ARL5A: variants seen among roughly 807,000 people sequenced by gnomAD.
The protein encoded by ARL5A is ARF like GTPase 5A, also known as ADP-ribosylation factor-like protein 5A.
Under a neutral mutation model 25.9 loss-of-function variants are expected in ARL5A, and 18 were observed. The ratio of observed to expected loss-of-function variants is 0.69; its 90% confidence interval spans 0.48 to 1.03. The LOEUF (loss-of-function observed/expected upper bound fraction) is 1.03, where lower values mean the gene tolerates loss of function less well. ARL5A is among the 50% of genes least tolerant of loss of function. ARL5A has a pLI of 0.00. For synonymous variants in ARL5A, 61 were observed against 67.5 expected (o/e 0.90, Z 0.47); for missense variants, 170 against 211.9 (o/e 0.80, Z 1.23).
At chr2:151,819,628 G>T (rs1254263835) in intron 1 of ARL5A, among the ~76,000 whole-genome samples, 1 of 151,980 alleles carries the variant, frequency 6.6e-6, no homozygotes, top group Admixed American at 6.6e-5. Context: ...TTTAGTACAG[G>T]TATTTTTTTA....
At chr2:151,819,242 G>C (rs1047698447) in intron 1 of ARL5A, among the ~76,000 whole-genome samples, 1 of 152,150 alleles carries the variant, frequency 6.6e-6, no homozygotes, top group Non-Finnish European at 1.5e-5. Context: ...AGCTAAGGAG[G>C]TTAAACACTT....
chr2:151,807,763 C>T (rs935346643), intron 4 of ARL5A, among the ~76,000 whole-genome samples: 3 of 152,080 alleles, frequency 2.0e-5, no homozygotes, highest in Non-Finnish European at 2.9e-5. Context: ...TCAAGTTTCC[C>T]CAATTAGAAG....
At position 151,803,293 on chromosome 2, in the gene ARL5A, G is replaced by A. The variant is rs772485630; in HGVS notation, c.523C>T (p.Arg175Ter). ...AGTAGAGATCATCTAATCTTAAGTC[G>A]TGACATCATCCATTCAAGTCCTTGG... Reference protein sequence around the residue: ...LCQGLEWMMSRLKIR With the variant: ...LCQGLEWMMS The change falls in exon 6 of 6, where the codon CGA becomes TGA. Residue 175 changes from arginine (R) to a stop codon, truncating the protein, a stop_gained. Transcript: ENST00000295087. LOFTEE classifies it high-confidence loss of function. The A allele has an allele frequency of 9.3e-6, 15 of 1,612,550 alleles. 1 individual carries two copies. Among genetic ancestry groups the A allele is most frequent in the Admixed American group, 3.3e-5 (2 of 59,988 alleles).
intron 1 of ARL5A, among the ~76,000 whole-genome samples, chr2:151,816,638 A>C (rs775052986): frequency 2.0e-5 from 3 of 152,212 alleles, no homozygotes; most frequent in Non-Finnish European, 4.4e-5. Flanking sequence ...TTTAACAATT[A>C]AAATAGCACA....
At chr2:151,815,292 A>C (rs1311941938) in intron 1 of ARL5A, 93 bp from the exon 2 acceptor site, 11 of 1,004,338 alleles carry the variant, frequency 1.1e-5, no homozygotes, top group South Asian at 1.5e-5. Context: ...TCACCCTTCT[A>C]TCTATGGCAT....
Position 151,814,323 on chromosome 2 carries a change from A to G in ARL5A, c.108-7T>C, listed in dbSNP as rs755924371. 8.6e-6 allele frequency: 13 copies of G among 1,519,946 alleles called. No individual in the cohort carries two copies. Among genetic ancestry groups the G allele is most frequent in the Admixed American group, 2.3e-5 (1 of 43,736 alleles). 94.2% of individuals were successfully genotyped at this position (1,519,946 alleles called of 1,614,324 possible). The stretch of plus-strand genomic sequence containing the variant: ...TACAACTTCATTCATAGAACTGGGG[A>G]AAAAAGTTTATATACATTACAATTA... On this transcript the variant is annotated splice_region_variant and splice_polypyrimidine_tract_variant and intron_variant, in intron 2 of 5. Transcript: ENST00000295087.
intron 4 of ARL5A, among the ~76,000 whole-genome samples, chr2:151,808,353 A>T (rs2099830369): frequency 6.6e-6 from 1 of 152,250 alleles, no homozygotes; most frequent in African/African-American, 2.4e-5. Context: ...AATCTTCAGC[A>T]GATACAAAAT....
chr2:151,814,103 G>T (rs1166334035), intron 3 of ARL5A, 66 bp downstream of exon 3: 23 of 1,370,250 alleles, frequency 1.7e-5, no homozygotes, highest in Non-Finnish European at 2.2e-5. Flanking sequence ...TAACTATAAG[G>T]ACTCAAATCT....
intron 1 of ARL5A, 110 bp downstream of exon 1, chr2:151,828,021 G>A (rs928155351): frequency 1.8e-5 from 22 of 1,218,920 alleles, no homozygotes; most frequent in Non-Finnish European, 2.5e-5. Context: ...CCCGCGCTGA[G>A]CTGGCGCCCG....
chr2:151,826,488 T>C lies in ARL5A; in HGVS notation c.46+1643A>G, dbSNP rs1312078171. Among the ~76,000 whole-genome samples, 4 of 152,206 alleles carry C rather than the reference T, an allele frequency of 2.6e-5. No individual in the cohort carries two copies. The East Asian group carries it at 5.8e-4, about 22-fold the overall frequency. On this transcript the variant is annotated intron_variant, in intron 1 of 5. Transcript: ENST00000295087. ...TTACAGAAACAAATAATTTTATCATTGACTCAAAATAGAAAGTGGTGATAA... is the reference window on the plus strand; with the variant it reads ...TTACAGAAACAAATAATTTTATCATCGACTCAAAATAGAAAGTGGTGATAA...
In ARL5A at chr2:151,802,098, G is replaced by C. The variant is rs1242527000; in HGVS notation, c.*1178C>G. Reference sequence around the variant, plus strand: ...TAATTGTCAATGCATTTATGTAATAGAAGATACAACAAAATTTAGAAATAA... The same window carrying C: ...TAATTGTCAATGCATTTATGTAATACAAGATACAACAAAATTTAGAAATAA... On this transcript the variant is annotated 3_prime_UTR_variant, in exon 6 of 6. Coordinates refer to ENST00000295087, the MANE Select transcript of ARL5A (RefSeq NM_012097.4). 1 of 151,976 alleles carries C rather than the reference G, an allele frequency of 6.6e-6. No homozygotes were observed. The highest frequency in any genetic ancestry group is 6.6e-5 in the Admixed American group (1 of 15,266). The allele number at this position is 151,976 out of a possible 1,614,324, so 9.4% of individuals were successfully genotyped here. A position where few individuals can be genotyped will look rare whatever the true frequency, so the allele number is the denominator to read the frequency against.
At chr2:151,811,324 T>C (rs1415460953) in intron 4 of ARL5A, among the ~76,000 whole-genome samples, 1 of 152,102 alleles carries the variant, frequency 6.6e-6, no homozygotes, top group African/African-American at 2.4e-5. Flanking sequence ...TGCAAAAAAT[T>C]CCACTGAAAT....
Position 151,804,849 on chromosome 2 carries a change from C to T in ARL5A, c.492-1525G>A, listed in dbSNP as rs1008801475. Among the ~76,000 whole-genome samples the T allele has an allele frequency of 2.0e-5, 3 of 152,226 alleles. No homozygotes were observed. The South Asian group carries it at 6.2e-4, about 32-fold the overall frequency. On this transcript the variant is annotated intron_variant, in intron 5 of 5. Transcript: ENST00000295087. ...ATCTCCAATCCACTGAATCAAAACG[C>T]TAATCAATACTAAAACCAATAATTT...
intron 1 of ARL5A, among the ~76,000 whole-genome samples, chr2:151,821,384 C>T (rs2099832281): frequency 1.3e-5 from 2 of 152,118 alleles, no homozygotes. Context: ...AGGAAAGAAA[C>T]TCCAATCAAA....
At position 151,828,192 on chromosome 2, in the gene ARL5A, C is replaced by CG. The variant is rs373435610; in HGVS notation, c.-17_-16insC. 2.3e-3 allele frequency: 3,739 copies of CG among 1,600,910 alleles called. 80 individuals carry two copies. The African/African-American group carries it at 0.042, about 18-fold the overall frequency. ...GAATTCCCATTCTCGGGCAGCGGAC[C>CG]CCCCCCCTCCAGACACCCGGGCCGC... On this transcript the variant is annotated 5_prime_UTR_variant, in exon 1 of 6. Coordinates refer to ENST00000295087, the MANE Select transcript of ARL5A (RefSeq NM_012097.4).
intron 1 of ARL5A, among the ~76,000 whole-genome samples, chr2:151,821,813 G>A (rs900463765): frequency 7.1e-5 from 10 of 140,342 alleles, no homozygotes; most frequent in South Asian, 2.3e-4. Flanking sequence ...TTTTTGAGAC[G>A]GAGTCTCGCC....
intron 1 of ARL5A, among the ~76,000 whole-genome samples, chr2:151,817,276 T>C (rs2099831637): frequency 2.6e-5 from 4 of 152,224 alleles, no homozygotes; most frequent in Admixed American, 2.6e-4. Context: ...TTATCCTAAT[T>C]ATTTACATGT....
chr2:151,826,889 G>A (rs1329235429), intron 1 of ARL5A, among the ~76,000 whole-genome samples: 1 of 152,114 alleles, frequency 6.6e-6, no homozygotes, highest in Non-Finnish European at 1.5e-5. Context: ...CAGAAAAATT[G>A]ATACTGCCCT....
Position 151,828,349 on chromosome 2 carries a change from G to C in ARL5A, c.-173C>G, listed in dbSNP as rs900312565. 1.9e-6 allele frequency: 1 copy of C among 527,704 alleles called. No homozygotes were observed. Among genetic ancestry groups the C allele is most frequent in the Non-Finnish European group, 3.2e-6 (1 of 311,366 alleles). 32.7% of individuals were successfully genotyped at this position (527,704 alleles called of 1,614,324 possible). On this transcript the variant is annotated 5_prime_UTR_variant, in exon 1 of 6. Transcript: ENST00000295087. ...GGGAGGCCGAAGCCCAGGCCGCCCT[G>C]CCGCGCGCAAGGCCCCGCCGCTGCC...
Sources: allele counts gnomAD v4.1 joint callset (sites outside exome capture counted in the v4.1 genomes callset), GRCh38; gene constraint gnomAD v4.1.1; transcripts MANE v1.5; gene names NCBI Gene and HGNC (gene_info 2026-07-23, HGNC 2026-07-21).